Variants in UMAD1 observed in about 807,000 individuals in gnomAD.
UMAD1 encodes UBAP1-MVB12-associated (UMA) domain containing 1.
Under a neutral mutation model 6.1 loss-of-function variants are expected in UMAD1, and 8 were observed. The observed-to-expected ratio is 1.30, with a 90% confidence interval of 0.76 to 2.35. UMAD1 has a LOEUF of 2.35. UMAD1 is among the 30% of genes most tolerant of loss of function. The pLI is 0.00. For missense variants in UMAD1, 130 were observed against 78.4 expected (o/e 1.66, Z -2.49); for synonymous variants, 56 against 31.4 (o/e 1.78, Z -2.61).
intron 3 of UMAD1, among the ~76,000 whole-genome samples, chr7:7,840,353 G>A (rs114735915): frequency 0.05 from 7,645 of 152,092 alleles, 272 homozygotes; most frequent in Admixed American, 0.11. Flanking sequence ...ATAATCTGAG[G>A]GACTTTCATA....
At chr7:7,788,337 G>T (rs1412044267) in intron 2 of UMAD1, among the ~76,000 whole-genome samples, 1 of 152,078 alleles carries the variant, frequency 6.6e-6, no homozygotes, top group Non-Finnish European at 1.5e-5. Flanking sequence ...CTGGGTTGGG[G>T]AATATTTTAG....
intron 2 of UMAD1, among the ~76,000 whole-genome samples, chr7:7,786,276 T>C (rs1782459327): frequency 6.6e-6 from 1 of 152,230 alleles, no homozygotes; most frequent in Admixed American, 6.5e-5. Flanking sequence ...TATCTAGACA[T>C]TTTTGAAAAT....
chr7:7,651,956 TCCTC>T (rs934608817), intron 1 of UMAD1, among the ~76,000 whole-genome samples: 1 of 152,108 alleles, frequency 6.6e-6, no homozygotes, highest in African/African-American at 2.4e-5. Context: ...CCCTCCTGAC[TCCTC>T]CCTCTCTCCC....
chr7:7,725,871 A>G (rs979794867), intron 2 of UMAD1, among the ~76,000 whole-genome samples: 3 of 152,338 alleles, frequency 2.0e-5, no homozygotes, highest in African/African-American at 7.2e-5. Context: ...TGGTTCACAG[A>G]TGGTTCTGCA....
chr7:7,699,761 C>T (rs1252609758), intron 2 of UMAD1, among the ~76,000 whole-genome samples: 1 of 152,158 alleles, frequency 6.6e-6, no homozygotes, highest in Non-Finnish European at 1.5e-5. Flanking sequence ...TCTTAGTGCT[C>T]ATATAATGCC....
At chr7:7,706,249 T>C (rs1395729472) in intron 2 of UMAD1, among the ~76,000 whole-genome samples, 1 of 152,042 alleles carries the variant, frequency 6.6e-6, no homozygotes, top group East Asian at 1.9e-4. Context: ...ATGAAAAAAA[T>C]CATCAAAAAG....
intron 3 of UMAD1, among the ~76,000 whole-genome samples, chr7:7,850,300 A>G (rs1783885269): frequency 6.6e-6 from 1 of 152,110 alleles, no homozygotes; most frequent in African/African-American, 2.4e-5. Context: ...TTTCAAACAT[A>G]TTTAATAATA....
At chr7:7,765,592 G>T (rs1268126920) in intron 2 of UMAD1, among the ~76,000 whole-genome samples, 1 of 152,088 alleles carries the variant, frequency 6.6e-6, no homozygotes, top group African/African-American at 2.4e-5. Flanking sequence ...CTTGAGTTTT[G>T]TCTCTGTGTC....
At position 7,835,949 on chromosome 7, in the gene UMAD1, T is replaced by C. The variant is rs149534021; in HGVS notation, c.156+34206T>C. On this transcript the variant is annotated intron_variant, in intron 3 of 3. Transcript: ENST00000682710. ...TTTTACATTCACTGAAAACATTCTC[T>C]AATCTAAATTTTGCCTTTTTATCAA... Among the ~76,000 whole-genome samples, 23 of 152,198 alleles carry C rather than the reference T, an allele frequency of 1.5e-4. No homozygotes were observed. In the East Asian group the frequency reaches 4.4e-3, roughly 29 times the overall value.
intron 2 of UMAD1, among the ~76,000 whole-genome samples, chr7:7,712,107 T>C (rs1780780694): frequency 6.6e-6 from 1 of 152,142 alleles, no homozygotes; most frequent in Non-Finnish European, 1.5e-5. Context: ...TTAGCCAATG[T>C]CATAAAGCTC....
chr7:7,658,363 G>T (rs1014020716), intron 1 of UMAD1, among the ~76,000 whole-genome samples: 1 of 152,256 alleles, frequency 6.6e-6, no homozygotes, highest in Non-Finnish European at 1.5e-5. Flanking sequence ...TAGGAGTGGT[G>T]AGAGAGGGCA....
chr7:7,693,607 A>C (rs1780233481), intron 2 of UMAD1, among the ~76,000 whole-genome samples: 1 of 152,142 alleles, frequency 6.6e-6, no homozygotes, highest in South Asian at 2.1e-4. Flanking sequence ...TTTTAAGGTG[A>C]AATTCTACTA....
In UMAD1 at chr7:7,720,002, A is replaced by G. The variant is rs546880000; in HGVS notation, c.82+46549A>G. ...TTGAGCCTTTATTTTTGAAGGGAAT[A>G]AAGTTTCTTCTTCCAGTGTACCTCA... On this transcript the variant is annotated intron_variant, in intron 2 of 3. Transcript: ENST00000682710. 3.3e-5 allele frequency among the ~76,000 whole-genome samples: 5 copies of G among 152,326 alleles called. No individual in the cohort carries two copies. In the South Asian group the frequency reaches 6.2e-4, roughly 19 times the overall value.
At chr7:7,722,194 T>A (rs61494250) in intron 2 of UMAD1, among the ~76,000 whole-genome samples, 1 of 149,194 alleles carries the variant, frequency 6.7e-6, no homozygotes, top group Non-Finnish European at 1.5e-5. Context: ...TATCTATATA[T>A]CTATATAGAT....
chr7:7,853,635 A>T (rs1223048658), intron 3 of UMAD1, among the ~76,000 whole-genome samples: 1 of 152,166 alleles, frequency 6.6e-6, no homozygotes, highest in Non-Finnish European at 1.5e-5. Flanking sequence ...TAGAAATACA[A>T]CTGATTTTTG....
intron 2 of UMAD1, among the ~76,000 whole-genome samples, chr7:7,792,737 C>T (rs202028611): frequency 1.8e-4 from 28 of 152,266 alleles, no homozygotes; most frequent in African/African-American, 5.8e-4. Context: ...CCATAAACCG[C>T]GTGGCTTACA....
intron 2 of UMAD1, among the ~76,000 whole-genome samples, chr7:7,785,130 A>G (rs904275043): frequency 3.9e-5 from 6 of 152,214 alleles, no homozygotes; most frequent in Admixed American, 2.6e-4. Context: ...AAAGACACCA[A>G]TAAATCAAGT....
At chr7:7,660,170 C>A (rs1785438894) in intron 1 of UMAD1, among the ~76,000 whole-genome samples, 1 of 152,074 alleles carries the variant, frequency 6.6e-6, no homozygotes, top group Non-Finnish European at 1.5e-5. Flanking sequence ...TTCTTTCATC[C>A]CTTTATTTTG....
At chr7:7,684,739 A>G (rs572646959) in intron 2 of UMAD1, among the ~76,000 whole-genome samples, 1 of 152,332 alleles carries the variant, frequency 6.6e-6, no homozygotes, top group African/African-American at 2.4e-5. Context: ...TTTATGTGAA[A>G]TTATTTGACA....
Sources: allele counts gnomAD v4.1 joint callset (sites outside exome capture counted in the v4.1 genomes callset), GRCh38; gene constraint gnomAD v4.1.1; transcripts MANE v1.5; gene names NCBI Gene and HGNC (gene_info 2026-07-23, HGNC 2026-07-21).